SNTG1: variants seen among roughly 807,000 people sequenced by gnomAD.
SNTG1 encodes the protein gamma-1-syntrophin.
A neutral mutation model predicts 74.7 loss-of-function variants in SNTG1; 39 were observed. The observed-to-expected ratio is 0.52, with a 90% CI of 0.40 to 0.68. SNTG1 has a LOEUF of 0.68. Ranked by LOEUF, SNTG1 falls within the 30% of genes least tolerant of loss-of-function variation. The pLI is 0.00. For missense variants in SNTG1, 685 were observed against 609.5 expected, an observed-to-expected ratio of 1.12 and a Z score of -1.30; for synonymous variants, 254 against 217.1, an observed-to-expected ratio of 1.17 and a Z score of -1.49.
intron 1 of SNTG1, among the ~76,000 whole-genome samples, chr8:50,079,562 G>A (rs1422946843): frequency 6.6e-6 from 1 of 152,052 alleles, no homozygotes; most frequent in Non-Finnish European, 1.5e-5. Context: ...AAGCTCTTTA[G>A]TTTAATTAGA....
chr8:50,437,912 ATTAC>A (rs1416166601), intron 4 of SNTG1, among the ~76,000 whole-genome samples: 1 of 152,190 alleles, frequency 6.6e-6, no homozygotes, highest in Non-Finnish European at 1.5e-5. Flanking sequence ...CAGTGATTGA[ATTAC>A]TTCTATTGTG....
intron 15 of SNTG1, among the ~76,000 whole-genome samples, chr8:50,685,088 A>G (rs1256527439): frequency 6.6e-6 from 1 of 152,190 alleles, no homozygotes; most frequent in Non-Finnish European, 1.5e-5. Context: ...AAGGAAATTA[A>G]GCCATGACGT....
chr8:49,937,887 G>A (rs1435552104), intron 1 of SNTG1, among the ~76,000 whole-genome samples: 1 of 151,686 alleles, frequency 6.6e-6, no homozygotes, highest in African/African-American at 2.4e-5. Context: ...CTCCTTCTGA[G>A]TTCCTTTTTG....
intron 12 of SNTG1, among the ~76,000 whole-genome samples, chr8:50,561,094 G>T (rs1208115262): frequency 6.6e-6 from 1 of 152,144 alleles, no homozygotes; most frequent in Non-Finnish European, 1.5e-5. Context: ...GAGGGACCTG[G>T]TGTGAGGTGA....
chr8:50,695,030 A>G (rs1452886280), intron 15 of SNTG1, among the ~76,000 whole-genome samples: 1 of 152,030 alleles, frequency 6.6e-6, no homozygotes, highest in East Asian at 1.9e-4. Context: ...GAAACAAGAC[A>G]AGAATGCCCA....
Position 50,338,138 on chromosome 8 carries a change from A to T in SNTG1, c.-27-56074A>T, listed in dbSNP as rs568332224. 2.4e-4 allele frequency among the ~76,000 whole-genome samples: 36 copies of T among 152,030 alleles called. No individual in the cohort carries two copies. In the South Asian group the frequency reaches 4.4e-3, roughly 18 times the overall value. On this transcript the variant is annotated intron_variant, in intron 2 of 18. Transcript: ENST00000642720. Reference sequence around the variant, plus strand: ...GACAGAGCAAGACTCTGTCTCAAAAAAAATAAATAAATAAAAATAAATAAA... The same window carrying T: ...GACAGAGCAAGACTCTGTCTCAAAATAAATAAATAAATAAAAATAAATAAA...
chr8:50,759,673 A>G (rs988121882), intron 18 of SNTG1, among the ~76,000 whole-genome samples: 2 of 151,726 alleles, frequency 1.3e-5, no homozygotes, highest in Non-Finnish European at 2.9e-5. Flanking sequence ...ATATATATAT[A>G]TTGGTACCAT....
chr8:50,072,034 G>T (rs1821415108), intron 1 of SNTG1, among the ~76,000 whole-genome samples: 1 of 152,190 alleles, frequency 6.6e-6, no homozygotes, highest in African/African-American at 2.4e-5. Flanking sequence ...CCCCCAGTGT[G>T]ATTGGTACCA....
intron 15 of SNTG1, among the ~76,000 whole-genome samples, chr8:50,693,560 G>A (rs528818125): frequency 2.6e-5 from 4 of 152,124 alleles, no homozygotes; most frequent in Non-Finnish European, 5.9e-5. Context: ...AGATCACCCA[G>A]ACAGAAAATT....
intron 9 of SNTG1, 38 bp downstream of exon 9, chr8:50,502,918 C>A (rs1387110145): frequency 4.2e-6 from 6 of 1,420,200 alleles, no homozygotes; most frequent in Non-Finnish European, 5.9e-6. Flanking sequence ...GTGCTCACAT[C>A]ATTATAGTTA....
chr8:50,561,204 G>GCT (rs2094486224), intron 12 of SNTG1, among the ~76,000 whole-genome samples: 2 of 152,000 alleles, frequency 1.3e-5, no homozygotes, highest in Non-Finnish European at 2.9e-5. Context: ...TTCCCCCTTT[G>GCT]CTGTCTCTCT....
chr8:50,731,656 G>A (rs1474552910), intron 17 of SNTG1, among the ~76,000 whole-genome samples: 2 of 151,994 alleles, frequency 1.3e-5, no homozygotes, highest in Non-Finnish European at 2.9e-5. Flanking sequence ...CATTTACAAT[G>A]GCACTCACAA....
At chr8:50,030,128 C>A (rs571080839) in intron 1 of SNTG1, among the ~76,000 whole-genome samples, 1 of 152,002 alleles carries the variant, frequency 6.6e-6, no homozygotes, top group African/African-American at 2.4e-5. Flanking sequence ...CATATATCTG[C>A]TGGCCAGTTG....
At chr8:49,989,546 T>C (rs1813486141) in intron 1 of SNTG1, among the ~76,000 whole-genome samples, 1 of 151,960 alleles carries the variant, frequency 6.6e-6, no homozygotes, top group African/African-American at 2.4e-5. Flanking sequence ...CAATATAATT[T>C]TTAGCAAAAT....
chr8:50,603,155 G>C (rs532894024), intron 13 of SNTG1, among the ~76,000 whole-genome samples: 29 of 152,050 alleles, frequency 1.9e-4, no homozygotes, highest in African/African-American at 6.5e-4. Flanking sequence ...TTTTAGATTT[G>C]CCTTTTCAAG....
chr8:50,649,739 C>T (rs1358601917), intron 13 of SNTG1, among the ~76,000 whole-genome samples: 2 of 152,094 alleles, frequency 1.3e-5, no homozygotes, highest in East Asian at 3.9e-4. Context: ...CTCTTGCCCA[C>T]TTTTCTACTG....
intron 17 of SNTG1, among the ~76,000 whole-genome samples, chr8:50,739,159 A>G (rs1355451891): frequency 4.6e-5 from 7 of 152,116 alleles, no homozygotes; most frequent in African/African-American, 1.7e-4. Context: ...TTTACAATCT[A>G]TCAATCTCAA....
At chr8:50,440,511 C>T (rs1180704172) in intron 5 of SNTG1, among the ~76,000 whole-genome samples, 1 of 151,998 alleles carries the variant, frequency 6.6e-6, no homozygotes, top group Non-Finnish European at 1.5e-5. Context: ...TTCCTTAGAT[C>T]TGAGAATTTA....
At chr8:50,043,256 C>A (rs1198827859) in intron 1 of SNTG1, among the ~76,000 whole-genome samples, 1 of 152,122 alleles carries the variant, frequency 6.6e-6, no homozygotes, top group Non-Finnish European at 1.5e-5. Flanking sequence ...AGGAATATGA[C>A]TTTTTATAAG....
Sources: gnomAD v4.1 joint callset for allele counts (sites outside exome capture counted in the v4.1 genomes callset) on GRCh38, gnomAD v4.1.1 for gene constraint, MANE v1.5 for transcripts, NCBI Gene and HGNC (gene_info 2026-07-23, HGNC 2026-07-21) for gene names.